The following PPP1R42 variants were observed in gnomAD, a reference collection of about 807,000 sequenced individuals.
The protein encoded by PPP1R42 is protein phosphatase 1 regulatory subunit 42.
PPP1R42 carries 34 observed loss-of-function variants against 31.0 expected under a neutral mutation model. The observed-to-expected ratio is 1.10, with a 90% CI of 0.83 to 1.46. The LOEUF (loss-of-function observed/expected upper bound fraction) is 1.46, where lower values mean the gene tolerates loss of function less well. PPP1R42 is among the 40% of genes most tolerant of loss of function. The pLI is 0.00. For synonymous variants in PPP1R42, 103 were observed against 109.8 expected (o/e 0.94, Z 0.39); for missense variants, 268 against 303.0 (o/e 0.88, Z 0.86).
chr8:66,973,485 TGGTAGAG>T (rs1208160291), intron 7 of PPP1R42, among the ~76,000 whole-genome samples: 1 of 152,078 alleles, frequency 6.6e-6, no homozygotes, highest in Non-Finnish European at 1.5e-5. Context: ...TTTGTATTTT[TGGTAGAG>T]ACAGGGTTTC....
chr8:66,984,957 C>T (rs1814959520), intron 6 of PPP1R42: 1 of 1,553,180 alleles, frequency 6.4e-7, no homozygotes, highest in Non-Finnish European at 8.9e-7. Context: ...GAGCATTGAG[C>T]TGGGCTGGAT....
At chr8:67,025,136 G>T (rs1816355229) in intron 1 of PPP1R42, among the ~76,000 whole-genome samples, 1 of 149,448 alleles carries the variant, frequency 6.7e-6, no homozygotes, top group Non-Finnish European at 1.5e-5. Flanking sequence ...ATAGAGACAG[G>T]GTCTTACTAT....
chr8:66,988,986 A>AC (rs1168700070), intron 5 of PPP1R42, among the ~76,000 whole-genome samples: 1 of 152,114 alleles, frequency 6.6e-6, no homozygotes, highest in Non-Finnish European at 1.5e-5. Flanking sequence ...ACAAACACCT[A>AC]CCAAAGGGAA....
At chr8:67,005,085 T>C (rs1004587821) in intron 5 of PPP1R42, among the ~76,000 whole-genome samples, 27 of 152,046 alleles carry the variant, frequency 1.8e-4, no homozygotes, top group Non-Finnish European at 3.5e-4. Flanking sequence ...GTGTTTAGTC[T>C]TTCATGAAAT....
At chr8:66,970,515 C>T (rs1306003951) in intron 7 of PPP1R42, among the ~76,000 whole-genome samples, 1 of 152,202 alleles carries the variant, frequency 6.6e-6, no homozygotes, top group African/African-American at 2.4e-5. Context: ...ACTTCTGCCT[C>T]CTTCAGAGAC....
intron 7 of PPP1R42, among the ~76,000 whole-genome samples, chr8:66,981,098 T>G (rs2130922983): frequency 6.6e-6 from 1 of 152,260 alleles, no homozygotes; most frequent in East Asian, 1.9e-4. Flanking sequence ...TGTCTCAGCC[T>G]CCCACAGTGC....
rs77390253 is a variant in PPP1R42 at position 67,007,540 on chromosome 8, T to C, written c.552+3175A>G. 5.9e-4 allele frequency among the ~76,000 whole-genome samples: 90 copies of C among 152,168 alleles called. No homozygotes were observed. In the East Asian group the frequency reaches 0.017, roughly 28 times the overall value. ...GCTCTGGGCAAATTATTGTATAAGGTTTCGCCACGTCAGCCAGGGTGATCT... is the reference window on the plus strand; with the variant it reads ...GCTCTGGGCAAATTATTGTATAAGGCTTCGCCACGTCAGCCAGGGTGATCT... On this transcript the variant is annotated intron_variant, in intron 5 of 7. Coordinates refer to ENST00000685739, the MANE Select transcript of PPP1R42 (RefSeq NM_001364910.1).
intron 6 of PPP1R42, among the ~76,000 whole-genome samples, chr8:66,987,142 A>C (rs1815042557): frequency 6.6e-6 from 1 of 152,160 alleles, no homozygotes; most frequent in African/African-American, 2.4e-5. Flanking sequence ...TACTTTAAAA[A>C]TATACTATAA....
intron 5 of PPP1R42, among the ~76,000 whole-genome samples, chr8:66,996,226 A>AT (rs1815330808): frequency 6.6e-6 from 1 of 151,942 alleles, no homozygotes; most frequent in Non-Finnish European, 1.5e-5. Flanking sequence ...GTGTTTCTGT[A>AT]TTTTTTGTAG....
At chr8:66,992,728 A>T (rs929589450) in intron 5 of PPP1R42, among the ~76,000 whole-genome samples, 2 of 152,208 alleles carry the variant, frequency 1.3e-5, no homozygotes, top group Non-Finnish European at 2.9e-5. Context: ...TTCTCTATTT[A>T]TACTTAGACC....
intron 5 of PPP1R42, among the ~76,000 whole-genome samples, chr8:67,003,653 A>G (rs929233870): frequency 5.9e-5 from 9 of 152,214 alleles, no homozygotes; most frequent in African/African-American, 2.2e-4. Flanking sequence ...GCTATAACTT[A>G]AAAACATATT....
rs535098815 is a variant in PPP1R42, at chr8:66,974,607, A to C, written c.802+7442T>G. Among the ~76,000 whole-genome samples, 413 of 152,294 alleles carry C rather than the reference A, an allele frequency of 2.7e-3. 2 individuals are homozygous for C. Among genetic ancestry groups the C allele is most frequent in the Non-Finnish European group, 4.3e-3 (293 of 68,016 alleles). On this transcript the variant is annotated intron_variant, in intron 7 of 7. Coordinates refer to ENST00000685739, the MANE Select transcript of PPP1R42 (RefSeq NM_001364910.1). ...AGATGTGAGGTGATAGCTCATATCTATTTTGATTCGCATTTCCCTGATGAT... is the reference window on the plus strand; with the variant it reads ...AGATGTGAGGTGATAGCTCATATCTCTTTTGATTCGCATTTCCCTGATGAT...
At chr8:66,986,300 A>C (rs1207401920) in intron 6 of PPP1R42, 1 of 507,134 alleles carries the variant, frequency 2.0e-6, no homozygotes, top group East Asian at 5.0e-5. Context: ...GTAGTTATCA[A>C]CGACTGTGAA....
intron 7 of PPP1R42, among the ~76,000 whole-genome samples, chr8:66,965,944 A>G (rs1242638527): frequency 6.6e-6 from 1 of 152,040 alleles, no homozygotes; most frequent in Non-Finnish European, 1.5e-5. Flanking sequence ...ATACATAATA[A>G]AAGAATATGT....
intron 6 of PPP1R42, chr8:66,985,303 T>C (rs1814975705): frequency 1.2e-6 from 1 of 838,628 alleles, no homozygotes; most frequent in Non-Finnish European, 2.0e-6. Context: ...AAAAAGGTAT[T>C]GGACTCCATG....
intron 5 of PPP1R42, among the ~76,000 whole-genome samples, chr8:67,001,251 A>G (rs960357136): frequency 2.7e-5 from 4 of 149,472 alleles, no homozygotes; most frequent in East Asian, 1.9e-4. Flanking sequence ...AGCATAGATA[A>G]CAAGACCCAG....
At chr8:66,982,002 T>C in intron 7 of PPP1R42, 47 bp downstream of exon 7, 1 of 1,300,424 alleles carries the variant, frequency 7.7e-7, no homozygotes, top group Non-Finnish European at 9.8e-7. Context: ...CCTAGAATAT[T>C]TCCTTTGCTA....
chr8:66,984,681 G>T, intron 6 of PPP1R42: 1 of 1,530,922 alleles, frequency 6.5e-7, no homozygotes, highest in Non-Finnish European at 9.0e-7. Flanking sequence ...TTCAGGCAGA[G>T]TTGGCCTCTT....
chr8:67,017,049 C>T (rs903930664), intron 2 of PPP1R42, among the ~76,000 whole-genome samples: 3 of 151,896 alleles, frequency 2.0e-5, no homozygotes, highest in African/African-American at 7.3e-5. Context: ...TGTAGGAGAA[C>T]TGTAATACAT....
Sources: allele counts gnomAD v4.1 joint callset (sites outside exome capture counted in the v4.1 genomes callset), GRCh38; gene constraint gnomAD v4.1.1; transcripts MANE v1.5; gene names NCBI Gene and HGNC (gene_info 2026-07-23, HGNC 2026-07-21).